Variants in MICU1 observed in about 807,000 individuals in gnomAD.
The protein encoded by MICU1 is calcium uptake protein 1, mitochondrial.
In MICU1, 45 loss-of-function variants were observed where a neutral mutation model predicts 56.8. The ratio of observed to expected loss-of-function variants is 0.79; its 90% CI spans 0.62 to 1.02. MICU1 has a LOEUF of 1.02. Ranked by LOEUF, MICU1 falls within the 50% of genes least tolerant of loss-of-function variation. The probability of loss-of-function intolerance (pLI) is 0.00; values close to 1 mark genes in which losing one functional copy is unlikely to be tolerated. For synonymous variants in MICU1, 186 were observed against 195.1 expected (o/e 0.95, Z 0.39); for missense variants, 504 against 587.1 (o/e 0.86, Z 1.46).
intron 8 of MICU1, among the ~76,000 whole-genome samples, chr10:72,428,082 A>G (rs888439824): frequency 3.9e-5 from 6 of 152,186 alleles, no homozygotes; most frequent in African/African-American, 7.2e-5. Context: ...TCAGACTGCC[A>G]GGAGTCTGAA....
chr10:72,473,651 C>G (rs7080400), intron 8 of MICU1, among the ~76,000 whole-genome samples: 87,420 of 151,732 alleles, frequency 0.58, 26,033 homozygotes, highest in Non-Finnish European at 0.67. Context: ...TGAGAGGAAA[C>G]CGGAGTACTC....
chr10:72,441,438 G>A (rs1864924520), intron 8 of MICU1, among the ~76,000 whole-genome samples: 1 of 151,132 alleles, frequency 6.6e-6, no homozygotes, highest in South Asian at 2.1e-4. Context: ...TTAGCATTAG[G>A]AGAAATACCT....
Position 72,595,593 on chromosome 10 carries a change from A to G in MICU1, c.-1-28799T>C, listed in dbSNP as rs1841358988. Among the ~76,000 whole-genome samples, 4 of 152,086 alleles carry G rather than the reference A, an allele frequency of 2.6e-5. No individual in the cohort carries two copies. The South Asian group carries it at 6.2e-4, about 24-fold the overall frequency. On this transcript the variant is annotated intron_variant, in intron 1 of 11. Transcript: ENST00000361114. ...AATGGCTAACATAGCTATTTCATTCATGCCAATCTAAACAACCACTTCTTC... is the reference window on the plus strand; with the variant it reads ...AATGGCTAACATAGCTATTTCATTCGTGCCAATCTAAACAACCACTTCTTC...
At chr10:72,424,870 G>C (rs559395588) in intron 8 of MICU1, among the ~76,000 whole-genome samples, 18 of 152,258 alleles carry the variant, frequency 1.2e-4, no homozygotes, top group African/African-American at 4.3e-4. Context: ...ATTTAAATGA[G>C]ACACAAAACT....
chr10:72,592,885 C>T lies in MICU1; in HGVS notation c.-1-26091G>A, dbSNP rs573718491. ...GCAACCTCTGCCTCCCGGGTTCAAGCGATTCTCCTGCCTCAGCCTCCCAAG... is the reference window on the plus strand; with the variant it reads ...GCAACCTCTGCCTCCCGGGTTCAAGTGATTCTCCTGCCTCAGCCTCCCAAG... On this transcript the variant is annotated intron_variant, in intron 1 of 11. Transcript: ENST00000361114. 4.0e-4 allele frequency among the ~76,000 whole-genome samples: 61 copies of T among 151,350 alleles called. 1 individual carries two copies. The highest frequency in any genetic ancestry group is 3.2e-3 in the Admixed American group (48 of 15,152).
chr10:72,484,005 A>G (rs1302573661), intron 6 of MICU1, among the ~76,000 whole-genome samples: 2 of 152,224 alleles, frequency 1.3e-5, no homozygotes, highest in South Asian at 2.1e-4. Context: ...TGATTATACC[A>G]TAAGTTTTAG....
At chr10:72,448,412 C>T (rs1865191106) in intron 8 of MICU1, among the ~76,000 whole-genome samples, 1 of 150,796 alleles carries the variant, frequency 6.6e-6, no homozygotes, top group Admixed American at 6.8e-5. Flanking sequence ...GACCTCAAGT[C>T]ATCCGCCCAC....
At chr10:72,526,578 G>A (rs957480579) in intron 5 of MICU1, among the ~76,000 whole-genome samples, 27 of 152,308 alleles carry the variant, frequency 1.8e-4, no homozygotes, top group African/African-American at 6.3e-4. Context: ...TTACAGGCAT[G>A]AGCCACTGCG....
chr10:72,463,844 C>A (rs1369733028), intron 8 of MICU1, among the ~76,000 whole-genome samples: 1 of 152,180 alleles, frequency 6.6e-6, no homozygotes, highest in Non-Finnish European at 1.5e-5. Flanking sequence ...TCAACCAAAC[C>A]AATTTCCAGT....
chr10:72,370,273 C>T (rs1862291297), intron 11 of MICU1, among the ~76,000 whole-genome samples: 1 of 152,096 alleles, frequency 6.6e-6, no homozygotes, highest in South Asian at 2.1e-4. Flanking sequence ...CACCCAGGGG[C>T]CTGTTGATTA....
rs76954764 is a variant in MICU1, at chr10:72,414,737, A to G, written c.1072-6700T>C. Among the ~76,000 whole-genome samples, 967 of 152,358 alleles carry G rather than the reference A, an allele frequency of 6.3e-3. 8 individuals are homozygous for G. The highest frequency in any genetic ancestry group is 0.034 in the East Asian group (178 of 5,188). ...AAAAAGTTGTTAAAAAATATGAAGC[A>G]GTCAGAGTAGATGAGACAAGGAAAA... On this transcript the variant is annotated intron_variant, in intron 9 of 11. Coordinates refer to ENST00000361114, the MANE Select transcript of MICU1 (RefSeq NM_001195518.2).
chr10:72,388,059 G>T (rs938364358), intron 10 of MICU1, among the ~76,000 whole-genome samples: 2 of 152,122 alleles, frequency 1.3e-5, no homozygotes, highest in African/African-American at 2.4e-5. Flanking sequence ...TTTGTTCAAG[G>T]TCACAAAACT....
chr10:72,496,939 G>A (rs1337749901), intron 6 of MICU1, among the ~76,000 whole-genome samples: 1 of 152,160 alleles, frequency 6.6e-6, no homozygotes, highest in Non-Finnish European at 1.5e-5. Context: ...GCCAGACAAT[G>A]TGCTGTATCA....
chr10:72,564,926 AC>A (rs962312071), intron 2 of MICU1, among the ~76,000 whole-genome samples: 30 of 152,154 alleles, frequency 2.0e-4, no homozygotes, highest in African/African-American at 7.0e-4. Context: ...GAGGAACCTC[AC>A]TGAACACCCA....
chr10:72,424,405 G>A (rs1449122820), intron 8 of MICU1, among the ~76,000 whole-genome samples: 1 of 152,064 alleles, frequency 6.6e-6, no homozygotes, highest in Non-Finnish European at 1.5e-5. Flanking sequence ...GAACCACCAT[G>A]GCTGGCCTAA....
intron 8 of MICU1, among the ~76,000 whole-genome samples, chr10:72,429,185 C>T (rs886939703): frequency 6.6e-6 from 1 of 151,876 alleles, no homozygotes. Context: ...TTTGGGAGGC[C>T]AAGGTGGGAG....
intron 8 of MICU1, among the ~76,000 whole-genome samples, chr10:72,454,712 G>T (rs192857292): frequency 6.6e-6 from 1 of 151,132 alleles, no homozygotes; most frequent in East Asian, 2.0e-4. Flanking sequence ...GAACTTGGGA[G>T]GCAAAGGTAG....
At chr10:72,576,734 G>C (rs1440510634) in intron 1 of MICU1, among the ~76,000 whole-genome samples, 1 of 152,178 alleles carries the variant, frequency 6.6e-6, no homozygotes, top group Non-Finnish European at 1.5e-5. Flanking sequence ...ATGCCATCTA[G>C]GACTTTCACA....
chr10:72,539,657 C>G (rs1334328531), intron 4 of MICU1, among the ~76,000 whole-genome samples: 5 of 151,930 alleles, frequency 3.3e-5, no homozygotes, highest in African/African-American at 1.2e-4. Flanking sequence ...AATAAACAAC[C>G]TAATATTGCA....
Sources: gnomAD v4.1 joint callset for allele counts (sites outside exome capture counted in the v4.1 genomes callset) on GRCh38, gnomAD v4.1.1 for gene constraint, MANE v1.5 for transcripts, NCBI Gene and HGNC (gene_info 2026-07-23, HGNC 2026-07-21) for gene names.